The following PLCL1 variants were observed in gnomAD, a reference collection of about 807,000 sequenced individuals.
PLCL1 encodes inactive phospholipase C-like protein 1.
Under a neutral mutation model 84.4 loss-of-function variants are expected in PLCL1, and 41 were observed. The ratio of observed to expected loss-of-function variants is 0.49; its 90% CI spans 0.38 to 0.63. The LOEUF is 0.63. Among genes scored for constraint, PLCL1 ranks in the 30% least tolerant of loss-of-function variants. PLCL1 has a pLI of 0.00. For missense variants in PLCL1, 1,206 were observed against 1,367.8 expected, an observed-to-expected ratio of 0.88 and a Z score of 1.87; for synonymous variants, 490 against 488.3, an observed-to-expected ratio of 1.00 and a Z score of -0.05.
At chr2:197,998,053 T>C (rs554993158) in intron 1 of PLCL1, among the ~76,000 whole-genome samples, 117 of 151,966 alleles carry the variant, frequency 7.7e-4, no homozygotes, top group African/African-American at 2.6e-3. Context: ...GAGGGCTTAG[T>C]GGGTGGGAGT....
At chr2:198,113,557 T>C (rs1693671851) in intron 5 of PLCL1, among the ~76,000 whole-genome samples, 1 of 151,854 alleles carries the variant, frequency 6.6e-6, no homozygotes, top group Non-Finnish European at 1.5e-5. Context: ...TTTGACCTAA[T>C]GGGAGAGGCC....
intron 3 of PLCL1, among the ~76,000 whole-genome samples, chr2:198,091,937 C>A (rs950568382): frequency 1.3e-5 from 2 of 150,122 alleles, no homozygotes; most frequent in South Asian, 2.1e-4. Flanking sequence ...CCAACCTCAT[C>A]CGCCTCTCAC....
chr2:198,100,021 C>A (rs1437504050), intron 3 of PLCL1, among the ~76,000 whole-genome samples: 1 of 151,950 alleles, frequency 6.6e-6, no homozygotes, highest in South Asian at 2.1e-4. Context: ...GTGGAGAAAT[C>A]TAGAGACAAA....
intron 1 of PLCL1, among the ~76,000 whole-genome samples, chr2:197,974,218 T>G (rs1689922921): frequency 6.6e-6 from 1 of 152,216 alleles, no homozygotes; most frequent in African/African-American, 2.4e-5. Context: ...TTTGCCATAT[T>G]AAGTTTGGGT....
At chr2:197,877,826 A>C (rs753739981) in intron 1 of PLCL1, among the ~76,000 whole-genome samples, 5 of 152,182 alleles carry the variant, frequency 3.3e-5, no homozygotes, top group Non-Finnish European at 7.4e-5. Context: ...GAGTTCTCAA[A>C]TGAGGGCCTT....
chr2:197,906,630 C>T (rs536302662), intron 1 of PLCL1, among the ~76,000 whole-genome samples: 6 of 152,016 alleles, frequency 3.9e-5, no homozygotes, highest in African/African-American at 1.4e-4. Context: ...GGAATAGCAT[C>T]GAATCTATAA....
At chr2:197,807,892 T>A (rs1690514375) in intron 1 of PLCL1, among the ~76,000 whole-genome samples, 1 of 152,214 alleles carries the variant, frequency 6.6e-6, no homozygotes, top group African/African-American at 2.4e-5. Context: ...AATAGTGCTA[T>A]CCTGACAGAA....
At chr2:197,873,644 A>G (rs1009492130) in intron 1 of PLCL1, among the ~76,000 whole-genome samples, 1 of 152,112 alleles carries the variant, frequency 6.6e-6, no homozygotes, top group Non-Finnish European at 1.5e-5. Flanking sequence ...ACGGTCTACA[A>G]TGTCATACAG....
At chr2:198,127,781 T>C (rs1195901760) in intron 5 of PLCL1, among the ~76,000 whole-genome samples, 1 of 152,142 alleles carries the variant, frequency 6.6e-6, no homozygotes, top group African/African-American at 2.4e-5. Flanking sequence ...TTCTGATCAT[T>C]GGAGCACAAG....
intron 3 of PLCL1, among the ~76,000 whole-genome samples, chr2:198,097,791 C>T (rs1245097104): frequency 6.6e-6 from 1 of 152,186 alleles, no homozygotes; most frequent in Non-Finnish European, 1.5e-5. Flanking sequence ...AGTCCCAGGA[C>T]AGAGAGCTCT....
In PLCL1 at chr2:198,084,978, C is replaced by T; in HGVS notation, c.1461C>T (p.Leu487=). 3 of 1,614,080 alleles carry T rather than the reference C, an allele frequency of 1.9e-6. No homozygotes were observed. Among genetic ancestry groups the T allele is most frequent in the East Asian group, 4.5e-5 (2 of 44,876 alleles). ...KFAFVASEYP[L]ILCLGNHCSL... Reference sequence around the variant, plus strand: ...CCTTTGTTGCTTCTGAATACCCACTCATTCTTTGCTTGGGAAATCACTGCT... The same window carrying T: ...CCTTTGTTGCTTCTGAATACCCACTTATTCTTTGCTTGGGAAATCACTGCT... The change falls in exon 2 of 6, where the codon CTC becomes CTT. Residue 487 remains leucine, a synonymous_variant. Coordinates refer to ENST00000428675, the MANE Select transcript of PLCL1 (RefSeq NM_006226.4).
chr2:197,808,529 A>C (rs73054840), intron 1 of PLCL1, among the ~76,000 whole-genome samples: 2 of 152,296 alleles, frequency 1.3e-5, no homozygotes, highest in Non-Finnish European at 2.9e-5. Flanking sequence ...AAAAGTCTAG[A>C]TCATATAAGA....
In PLCL1 at chr2:197,961,999, A is replaced by G. The variant is rs112245495; in HGVS notation, c.241-121759A>G. ...TTTGAGTAATATAAGTGATCAAGCT[A>G]TCCTTGGAATGTATATGGCATAGTA... On this transcript the variant is annotated intron_variant, in intron 1 of 5. Coordinates refer to ENST00000428675, the MANE Select transcript of PLCL1 (RefSeq NM_006226.4). 7.6e-3 allele frequency among the ~76,000 whole-genome samples: 1,155 copies of G among 152,198 alleles called. 13 individuals carry two copies. Among genetic ancestry groups the G allele is most frequent in the African/African-American group, 0.027 (1,116 of 41,556 alleles).
chr2:197,862,164 C>T (rs1398500393), intron 1 of PLCL1, among the ~76,000 whole-genome samples: 1 of 152,050 alleles, frequency 6.6e-6, no homozygotes, highest in Non-Finnish European at 1.5e-5. Flanking sequence ...TTTTAAGAAC[C>T]TGTTAAATGA....
At chr2:198,116,864 C>G (rs908293767) in intron 5 of PLCL1, among the ~76,000 whole-genome samples, 2 of 151,802 alleles carry the variant, frequency 1.3e-5, no homozygotes, top group African/African-American at 4.8e-5. Flanking sequence ...CTAAAAATAG[C>G]TAAAGTCTTT....
chr2:197,986,318 G>T (rs1174029605), intron 1 of PLCL1, among the ~76,000 whole-genome samples: 1 of 152,044 alleles, frequency 6.6e-6, no homozygotes, highest in Non-Finnish European at 1.5e-5. Context: ...AATGACTGAA[G>T]GTCTGAAGCC....
At chr2:198,014,914 C>T (rs1690958741) in intron 1 of PLCL1, among the ~76,000 whole-genome samples, 1 of 151,914 alleles carries the variant, frequency 6.6e-6, no homozygotes, top group African/African-American at 2.4e-5. Context: ...AGGAATTTTT[C>T]CCCCCATATA....
At chr2:197,919,221 A>G (rs764321360) in intron 1 of PLCL1, among the ~76,000 whole-genome samples, 3 of 152,304 alleles carry the variant, frequency 2.0e-5, no homozygotes, top group Non-Finnish European at 4.4e-5. Flanking sequence ...ACTGGACAGG[A>G]CATAATGTGC....
intron 5 of PLCL1, among the ~76,000 whole-genome samples, chr2:198,127,915 T>C (rs1023632963): frequency 4.6e-5 from 7 of 152,136 alleles, no homozygotes; most frequent in Admixed American, 3.9e-4. Flanking sequence ...TAAGTTTAGG[T>C]AGATTTACTT....
Sources: gnomAD v4.1 joint callset for allele counts (sites outside exome capture counted in the v4.1 genomes callset) on GRCh38, gnomAD v4.1.1 for gene constraint, MANE v1.5 for transcripts, NCBI Gene and HGNC (gene_info 2026-07-23, HGNC 2026-07-21) for gene names.